Variants in CCDC33 observed in about 807,000 individuals in gnomAD.
CCDC33 encodes coiled-coil domain containing 33.
In CCDC33, 94 loss-of-function variants were observed where a neutral mutation model predicts 91.9. That is an observed-to-expected ratio of 1.02 (90% CI 0.87 to 1.21). The LOEUF is 1.21. Among genes scored for constraint, CCDC33 ranks in the 50% most tolerant of loss-of-function variants. CCDC33 has a pLI of 0.00. For missense variants in CCDC33, 940 were observed against 935.5 expected (o/e 1.00, Z -0.06); for synonymous variants, 396 against 374.5 (o/e 1.06, Z -0.66).
At chr15:74,308,893 AT>A (rs2059940922) in intron 11 of CCDC33, among the ~76,000 whole-genome samples, 1 of 152,094 alleles carries the variant, frequency 6.6e-6, no homozygotes, top group Admixed American at 6.5e-5. Context: ...GTAGGGAGCC[AT>A]TCAGTAGGGA....
chr15:74,280,256 G>T (rs1316276122), intron 8 of CCDC33, among the ~76,000 whole-genome samples, 164 bp downstream of exon 8: 1 of 152,200 alleles, frequency 6.6e-6, no homozygotes, highest in African/African-American at 2.4e-5. Context: ...TGCGTTCCTT[G>T]TCCACAGGCC....
rs1109438 is a variant in CCDC33 at position 74,318,091 on chromosome 15, T to C, written c.1291-12098T>C. 2.0e-3 allele frequency among the ~76,000 whole-genome samples: 287 copies of C among 143,776 alleles called. 1 individual carries two copies. The highest frequency in any genetic ancestry group is 5.8e-3 in the African/African-American group (221 of 38,318). The allele number at this position is 143,776 out of a possible 152,430, so 94.3% of individuals were successfully genotyped here. A position where few individuals can be genotyped will look rare whatever the true frequency, so the allele number is the denominator to read the frequency against. On this transcript the variant is annotated intron_variant, in intron 11 of 18. Transcript: ENST00000398814. ...GAGCCCAGCTTGTGCTGCTGCGGGG[T>C]GGGGAGGACTCCTGAGGGGACAAGG...
At position 74,281,825 on chromosome 15, in the gene CCDC33, C is replaced by T. The variant is rs1298479274; in HGVS notation, c.1071C>T (p.Leu357=). Reference sequence around the variant, plus strand: ...ATGATGAGGCCCCCACAGTGGCTCTCTCCTTCCAGCTGCTTTCCTCTGAGG... The same window carrying T: ...ATGATGAGGCCCCCACAGTGGCTCTTTCCTTCCAGCTGCTTTCCTCTGAGG... ...TINDEAPTVA[L]SFQLLSSERP... The change falls in exon 10 of 19, where the codon CTC becomes CTT. Residue 357 remains leucine, a synonymous_variant. Coordinates refer to ENST00000398814, the MANE Select transcript of CCDC33 (RefSeq NM_025055.5). The T allele has an allele frequency of 1.2e-6, 2 of 1,614,098 alleles. No homozygotes were observed. The highest frequency in any genetic ancestry group is 1.7e-6 in the Non-Finnish European group (2 of 1,179,986).
intron 11 of CCDC33, chr15:74,318,714 C>G: frequency 1.4e-6 from 1 of 723,102 alleles, no homozygotes. Flanking sequence ...CGCCTAGCAG[C>G]AGGTGTGTTG....
Position 74,316,635 on chromosome 15 carries a change from T to C in CCDC33, c.1291-13554T>C, listed in dbSNP as rs1345032705. ...GGAGCAGGAAGATTTAAGGCCCACA[T>C]CTCAGTGCCAGCCAGTGACTGGTGC... On this transcript the variant is annotated intron_variant, in intron 11 of 18. Transcript: ENST00000398814. The surrounding 1 kb of genome is among the most constrained non-coding windows in gnomAD (Gnocchi z 4.7). Among the ~76,000 whole-genome samples, 1 of 151,816 alleles carries C rather than the reference T, an allele frequency of 6.6e-6. No homozygotes were observed. The highest frequency in any genetic ancestry group is 1.5e-5 in the Non-Finnish European group (1 of 67,932).
At chr15:74,206,455 G>C (rs1185165214) in intron 1 of CCDC33, among the ~76,000 whole-genome samples, 1 of 152,230 alleles carries the variant, frequency 6.6e-6, no homozygotes, top group Non-Finnish European at 1.5e-5. Context: ...GAGGCAAGAA[G>C]TGTTAGGAAG....
intron 9 of CCDC33, 105 bp from the exon 10 acceptor site, chr15:74,281,673 G>A (rs1234742119): frequency 1.9e-5 from 20 of 1,026,160 alleles, no homozygotes; most frequent in African/African-American, 3.2e-5. Context: ...CCTCCTGGGT[G>A]CAGCCCGCAG....
At position 74,265,133 on chromosome 15, in the gene CCDC33, ATCCAAATGACCCATCCAGT is replaced by A. The variant is rs774667029; in HGVS notation, c.320-1512_320-1494del. 2.7e-4 allele frequency among the ~76,000 whole-genome samples: 41 copies of A among 152,244 alleles called. 1 individual carries two copies. The highest frequency in any genetic ancestry group is 5.8e-4 in the East Asian group (3 of 5,186). ...CCTCAGCTTCCTTCTCCACCCCAAC[ATCCAAATGACCCATCCAGT>A]TCCAAATGACCCATCCAGTTCCAAA... On this transcript the variant is annotated intron_variant, in intron 3 of 18. Transcript: ENST00000398814.
chr15:74,267,909 G>A lies in CCDC33; in HGVS notation c.430-433G>A, dbSNP rs959096727. Reference sequence around the variant, plus strand: ...GCATTTCTTCAATCATGGCACCAGGGGGCTTTACCTTCTCTTAGGCCCCAT... The same window carrying A: ...GCATTTCTTCAATCATGGCACCAGGAGGCTTTACCTTCTCTTAGGCCCCAT... On this transcript the variant is annotated intron_variant, in intron 4 of 18. Transcript: ENST00000398814. 3.3e-5 allele frequency among the ~76,000 whole-genome samples: 5 copies of A among 152,164 alleles called. No individual in the cohort carries two copies. In the South Asian group the frequency reaches 1.0e-3, roughly 32 times the overall value.
chr15:74,278,192 C>T (rs770512977), intron 7 of CCDC33, among the ~76,000 whole-genome samples: 36 of 152,264 alleles, frequency 2.4e-4, no homozygotes, highest in Non-Finnish European at 4.1e-4. Flanking sequence ...TCCCCAGGGG[C>T]AGGGGCAGAC....
At chr15:74,286,464 C>G (rs2059476711) in intron 10 of CCDC33, among the ~76,000 whole-genome samples, 1 of 152,110 alleles carries the variant, frequency 6.6e-6, no homozygotes, top group African/African-American at 2.4e-5. Context: ...TCCTGGGTGC[C>G]CTCCAGCTTG....
chr15:74,219,011 C>T, intron 2 of CCDC33: 1 of 801,512 alleles, frequency 1.2e-6, no homozygotes, highest in African/African-American at 1.8e-5. Context: ...GAGGAACGTG[C>T]AGTCTGAGGA....
At chr15:74,274,842 G>GGT (rs1374789334) in intron 7 of CCDC33, among the ~76,000 whole-genome samples, 1 of 152,210 alleles carries the variant, frequency 6.6e-6, no homozygotes, top group African/African-American at 2.4e-5. Context: ...TGTGGGACCC[G>GGT]GTCCAGCAAT....
At chr15:74,306,485 T>C (rs2059896287) in intron 11 of CCDC33, among the ~76,000 whole-genome samples, 1 of 152,178 alleles carries the variant, frequency 6.6e-6, no homozygotes. Flanking sequence ...GAAATTCCTC[T>C]TGTTCCTGCA....
chr15:74,322,325 G>C (rs1424175286), intron 11 of CCDC33, among the ~76,000 whole-genome samples: 1 of 152,208 alleles, frequency 6.6e-6, no homozygotes, highest in Non-Finnish European at 1.5e-5. Context: ...GCCAGGGCTG[G>C]GTGGGCCTCG....
intron 1 of CCDC33, among the ~76,000 whole-genome samples, chr15:74,240,845 G>A (rs139570088): frequency 0.02 from 3,046 of 152,228 alleles, 109 homozygotes; most frequent in African/African-American, 0.07. Context: ...TGCCCGCCTC[G>A]GCCTCCCAAA....
chr15:74,217,154 CAG>C (rs752462045), upstream of CCDC33: 31 of 684,240 alleles, frequency 4.5e-5, no homozygotes, highest in Non-Finnish European at 5.8e-5. Flanking sequence ...CTCAAACAAA[CAG>C]AGGTGGGTGG....
chr15:74,335,873 G>A, intron 18 of CCDC33, 52 bp from the exon 19 acceptor site: 2 of 1,399,126 alleles, frequency 1.4e-6, no homozygotes, highest in Non-Finnish European at 2.0e-6. Flanking sequence ...CCTTGAGCAG[G>A]TCACCCCCTG....
chr15:74,268,218 A>T, intron 4 of CCDC33, 124 bp from the exon 5 acceptor site: 1 of 713,642 alleles, frequency 1.4e-6, no homozygotes, highest in Non-Finnish European at 2.6e-6. Context: ...AGCTTTAATT[A>T]TCAGCTCGGA....
Sources: gnomAD v4.1 joint callset for allele counts (sites outside exome capture counted in the v4.1 genomes callset) on GRCh38, gnomAD v4.1.1 for gene constraint, Gnocchi (gnomAD v3.1) non-coding constraint, MANE v1.5 for transcripts, NCBI Gene and HGNC (gene_info 2026-07-23, HGNC 2026-07-21) for gene names.